Variants in TRPS1 observed in about 807,000 individuals in gnomAD.
TRPS1 encodes zinc finger transcription factor Trps1.
TRPS1 carries 6 observed loss-of-function variants against 101.2 expected under a neutral mutation model. That is an observed-to-expected ratio of 0.06 (90% CI 0.03 to 0.12). TRPS1 has a LOEUF of 0.12. TRPS1 is among the 10% of genes least tolerant of loss of function. The pLI, the probability that TRPS1 is intolerant of heterozygous loss-of-function variation, is 1.00. For missense variants in TRPS1, 1,363 were observed against 1,567.0 expected (o/e 0.87, Z 2.20); for synonymous variants, 578 against 589.8 (o/e 0.98, Z 0.29).
At chr8:115,504,061 A>G (rs1184671711) in intron 5 of TRPS1, among the ~76,000 whole-genome samples, 1 of 152,202 alleles carries the variant, frequency 6.6e-6, no homozygotes, top group Non-Finnish European at 1.5e-5. Flanking sequence ...AAGGCAGGTT[A>G]ACTTCCTTGT....
Position 115,604,591 on chromosome 8 carries a change from T to C in TRPS1, c.1378A>G (p.Ser460Gly), listed in dbSNP as rs770005214. 5.0e-6 allele frequency: 8 copies of C among 1,613,950 alleles called. No individual in the cohort carries two copies. Among genetic ancestry groups the C allele is most frequent in the Admixed American group, 3.3e-5 (2 of 59,946 alleles). ...KFCSFSCESS[S>G]SLKLLEHYGK... The stretch of plus-strand genomic sequence containing the variant: ...TAATGTTCTAGCAGTTTAAGTGAGC[T>C]AGATGACTCACAGCTGAAACTACAA... Residue 460 changes from serine to glycine, a missense_variant, in exon 4 of 7, where the codon AGC becomes GGC. By Grantham distance (56) the Ser-to-Gly change is moderately conservative. Transcript: ENST00000395715. The surrounding 1 kb of genome is among the most constrained non-coding windows in gnomAD (Gnocchi z 4.1).
chr8:115,562,896 G>GTGTA (rs1301597954), intron 5 of TRPS1, among the ~76,000 whole-genome samples: 44 of 150,878 alleles, frequency 2.9e-4, no homozygotes, highest in Non-Finnish European at 5.0e-4. Context: ...GTGTGTGTGT[G>GTGTA]TGTGTGTGTG....
intron 5 of TRPS1, among the ~76,000 whole-genome samples, chr8:115,572,533 G>C (rs1817229309): frequency 6.6e-6 from 1 of 151,490 alleles, no homozygotes; most frequent in Admixed American, 6.6e-5. Context: ...TCGGTTTATT[G>C]AACATTATTT....
chr8:115,450,334 A>C (rs572351967), intron 5 of TRPS1, among the ~76,000 whole-genome samples: 66 of 152,268 alleles, frequency 4.3e-4, no homozygotes, highest in African/African-American at 1.4e-3. Context: ...TGTCCGCAGG[A>C]GCTGCTCTGA....
intron 5 of TRPS1, among the ~76,000 whole-genome samples, chr8:115,494,658 C>G (rs1281775365): frequency 1.3e-5 from 2 of 152,148 alleles, no homozygotes; most frequent in Non-Finnish European, 2.9e-5. Flanking sequence ...CTCTCTTTCT[C>G]TCTCATGGAA....
intron 5 of TRPS1, among the ~76,000 whole-genome samples, chr8:115,455,298 ATTACTAT>A (rs1278566541): frequency 1.3e-5 from 2 of 152,212 alleles, no homozygotes; most frequent in Non-Finnish European, 2.9e-5. Flanking sequence ...TACTTGAGTG[ATTACTAT>A]TTAGTAATAG....
chr8:115,593,652 T>G (rs1437346447), intron 4 of TRPS1, among the ~76,000 whole-genome samples: 1 of 152,206 alleles, frequency 6.6e-6, no homozygotes, highest in African/African-American at 2.4e-5. Flanking sequence ...GTTTAGTCAT[T>G]GTGAAAGTAC....
intron 5 of TRPS1, among the ~76,000 whole-genome samples, chr8:115,539,621 T>C (rs954799516): frequency 6.6e-6 from 1 of 151,950 alleles, no homozygotes; most frequent in African/African-American, 2.4e-5. Context: ...GAAGACTGCT[T>C]GAGCCCATGG....
At chr8:115,497,276 G>A (rs1448693234) in intron 5 of TRPS1, among the ~76,000 whole-genome samples, 2 of 152,126 alleles carry the variant, frequency 1.3e-5, no homozygotes, top group East Asian at 3.9e-4. Context: ...AATAAGGAGC[G>A]TGCAACCTAG....
intron 1 of TRPS1, among the ~76,000 whole-genome samples, chr8:115,626,238 T>C (rs1196807579): frequency 6.6e-6 from 1 of 151,332 alleles, no homozygotes; most frequent in Non-Finnish European, 1.5e-5. Context: ...ATGAACAATG[T>C]ATACAGTTCA....
chr8:115,602,975 C>G (rs545232503), intron 4 of TRPS1, among the ~76,000 whole-genome samples: 1 of 152,270 alleles, frequency 6.6e-6, no homozygotes, highest in African/African-American at 2.4e-5. Flanking sequence ...TGTACTTCAT[C>G]TTTTATGACA....
chr8:115,443,232 T>C (rs961297134), intron 5 of TRPS1, among the ~76,000 whole-genome samples: 3 of 152,180 alleles, frequency 2.0e-5, no homozygotes, highest in Admixed American at 6.5e-5. Context: ...ATCATGCCAC[T>C]GCACTCCAGC....
At chr8:115,489,073 C>G (rs1195569605) in intron 5 of TRPS1, among the ~76,000 whole-genome samples, 1 of 152,110 alleles carries the variant, frequency 6.6e-6, no homozygotes, top group Non-Finnish European at 1.5e-5. Flanking sequence ...ATCTATATGA[C>G]TTAATTTGGC....
Position 115,604,475 on chromosome 8 carries a change from A to G in TRPS1, c.1494T>C (p.Asp498=). The change falls in exon 4 of 7, where the codon GAT becomes GAC. Residue 498 remains aspartate (D), a synonymous_variant. Transcript: ENST00000395715. The surrounding 1 kb of genome is among the most constrained non-coding windows in gnomAD (Gnocchi z 4.1). The stretch of plus-strand genomic sequence containing the variant: ...TCTCTCCTTCTGAACTTTTGGCTAG[A>G]TCATTCTGATTAATGACAGAGCCCC... ...LSRGSVINQN[D]LAKSSEGETM... is the part of the protein sequence containing the mutation. The G allele has an allele frequency of 6.2e-7, 1 of 1,614,026 alleles. No homozygotes were observed. Among genetic ancestry groups the G allele is most frequent in the Non-Finnish European group, 8.5e-7 (1 of 1,179,986 alleles).
chr8:115,657,253 G>T (rs1811696013), intron 1 of TRPS1, among the ~76,000 whole-genome samples: 1 of 152,006 alleles, frequency 6.6e-6, no homozygotes, highest in Non-Finnish European at 1.5e-5. Context: ...TTCATAAAAG[G>T]TGATCACTCT....
At chr8:115,551,374 A>C (rs1357911564) in intron 5 of TRPS1, among the ~76,000 whole-genome samples, 6 of 152,160 alleles carry the variant, frequency 3.9e-5, no homozygotes, top group Non-Finnish European at 1.5e-5. Flanking sequence ...AGCTTTGCTC[A>C]AGTTGTGATA....
intron 5 of TRPS1, among the ~76,000 whole-genome samples, chr8:115,443,378 A>G (rs1173455347): frequency 3.1e-4 from 47 of 152,234 alleles, no homozygotes; most frequent in Admixed American, 3.1e-3. Context: ...ATGGCAAGAC[A>G]TAGCTGAGGT....
At chr8:115,514,258 C>T (rs1815655068) in intron 5 of TRPS1, among the ~76,000 whole-genome samples, 1 of 151,586 alleles carries the variant, frequency 6.6e-6, no homozygotes. Context: ...TTTTTAACAG[C>T]CTATAAGCTT....
chr8:115,450,998 AG>A (rs1344047039), intron 5 of TRPS1, among the ~76,000 whole-genome samples: 1 of 152,226 alleles, frequency 6.6e-6, no homozygotes, highest in East Asian at 1.9e-4. Context: ...AGTGTACAAA[AG>A]GGTGGTTAGA....
Sources: gnomAD v4.1 joint callset for allele counts (sites outside exome capture counted in the v4.1 genomes callset) on GRCh38, gnomAD v4.1.1 for gene constraint, Gnocchi (gnomAD v3.1) non-coding constraint, MANE v1.5 for transcripts, NCBI Gene and HGNC (gene_info 2026-07-23, HGNC 2026-07-21) for gene names.